The following FGF12 variants were observed in gnomAD, a reference collection of about 807,000 sequenced individuals.
FGF12 encodes fibroblast growth factor 12B.
Under a neutral mutation model 23.6 loss-of-function variants are expected in FGF12, and 14 were observed. The ratio of observed to expected loss-of-function variants is 0.59; its 90% CI spans 0.39 to 0.93. FGF12 has a LOEUF of 0.93. Ranked by LOEUF, FGF12 falls within the 40% of genes least tolerant of loss-of-function variation. FGF12 has a pLI of 0.00. For missense variants in FGF12, 175 were observed against 217.8 expected, an observed-to-expected ratio of 0.80 and a Z score of 1.24; for synonymous variants, 62 against 77.3, an observed-to-expected ratio of 0.80 and a Z score of 1.04.
chr3:192,512,176 CT>C (rs2108840103), intron 2 of FGF12, among the ~76,000 whole-genome samples: 1 of 152,152 alleles, frequency 6.6e-6, no homozygotes, highest in Non-Finnish European at 1.5e-5. Flanking sequence ...TAAAATATTA[CT>C]TAATTTCTCC....
At chr3:192,192,331 A>G (rs1275952876) in intron 4 of FGF12, among the ~76,000 whole-genome samples, 2 of 151,578 alleles carry the variant, frequency 1.3e-5, no homozygotes, top group South Asian at 2.1e-4. Context: ...AAAATTTATA[A>G]GTATTTTATT....
intron 2 of FGF12, among the ~76,000 whole-genome samples, chr3:192,696,598 T>C (rs1718131556): frequency 6.6e-6 from 1 of 152,172 alleles, no homozygotes; most frequent in South Asian, 2.1e-4. Flanking sequence ...AGCTTGGGTA[T>C]GAAGCCTGAC....
At chr3:192,261,002 A>T (rs1461566214) in intron 4 of FGF12, among the ~76,000 whole-genome samples, 1 of 152,090 alleles carries the variant, frequency 6.6e-6, no homozygotes, top group Non-Finnish European at 1.5e-5. Flanking sequence ...GGGGGTAGGG[A>T]GTCACTTCGG....
chr3:192,145,705 A>G (rs1713657040), intron 5 of FGF12, among the ~76,000 whole-genome samples: 3 of 152,250 alleles, frequency 2.0e-5, no homozygotes, highest in African/African-American at 4.8e-5. Flanking sequence ...GGCTCTTCCA[A>G]CATCCCCAAA....
chr3:192,251,175 T>TGAG (rs2108606580), intron 4 of FGF12, among the ~76,000 whole-genome samples: 1 of 152,300 alleles, frequency 6.6e-6, no homozygotes, highest in East Asian at 1.9e-4. Context: ...TGATCAAATA[T>TGAG]TTCAGGGCCT....
chr3:192,305,677 A>ATATATAT lies in FGF12; in HGVS notation c.228+29683_228+29684insATATATA, dbSNP rs1273411210. Among the ~76,000 whole-genome samples, 55 of 111,922 alleles carry ATATATAT rather than the reference A, an allele frequency of 4.9e-4. No homozygotes were observed. In the South Asian group the frequency reaches 0.014, roughly 29 times the overall value. 73.4% of individuals were successfully genotyped at this position (111,922 alleles called of 152,430 possible). ...GAAAGGTGGCTTAGGAAAAAAAAAA[A>ATATATAT]AAATATATATATATATATAAATATA... is the stretch of plus-strand genomic sequence containing the variant. On this transcript the variant is annotated intron_variant, in intron 4 of 5. Transcript: ENST00000445105.
intron 2 of FGF12, among the ~76,000 whole-genome samples, chr3:192,491,016 C>A (rs1189200762): frequency 1.3e-5 from 2 of 152,090 alleles, no homozygotes; most frequent in Non-Finnish European, 2.9e-5. Context: ...TTCGTGCATT[C>A]CTCTGTATGT....
At chr3:192,627,631 C>G (rs1715219566) in intron 2 of FGF12, among the ~76,000 whole-genome samples, 1 of 152,126 alleles carries the variant, frequency 6.6e-6, no homozygotes, top group Non-Finnish European at 1.5e-5. Flanking sequence ...TAACAGTTTT[C>G]TAACTTGCTT....
intron 2 of FGF12, among the ~76,000 whole-genome samples, chr3:192,504,812 T>G (rs1198965156): frequency 6.6e-6 from 1 of 152,160 alleles, no homozygotes; most frequent in African/African-American, 2.4e-5. Flanking sequence ...GTTCGACGTG[T>G]CAAGATTTAG....
At chr3:192,322,473 AAATTTAT>A (rs1716597391) in intron 4 of FGF12, among the ~76,000 whole-genome samples, 1 of 149,710 alleles carries the variant, frequency 6.7e-6, no homozygotes. Context: ...AATAATCCTA[AAATTTAT>A]AATTTATATT....
At chr3:192,398,994 T>C (rs1035994579) in intron 2 of FGF12, among the ~76,000 whole-genome samples, 1 of 152,130 alleles carries the variant, frequency 6.6e-6, no homozygotes, top group African/African-American at 2.4e-5. Flanking sequence ...CTGAGAAATC[T>C]AGTGCTGACC....
rs757735883 is a variant in FGF12, at chr3:192,457,811, A to G, written c.14-97273T>C. Among the ~76,000 whole-genome samples the G allele has an allele frequency of 6.6e-4, 101 of 152,206 alleles. 2 individuals carry two copies. Among genetic ancestry groups the G allele is most frequent in the Non-Finnish European group, 4.9e-4 (33 of 67,988 alleles). Reference sequence around the variant, plus strand: ...TGTTAATCCCCAAGACCATGGGGAAAATGTCTCCAGGCCACGTCACAGATC... The same window carrying G: ...TGTTAATCCCCAAGACCATGGGGAAGATGTCTCCAGGCCACGTCACAGATC... On this transcript the variant is annotated intron_variant, in intron 2 of 5. Transcript: ENST00000445105.
chr3:192,376,344 AT>A (rs1719499592), intron 2 of FGF12, among the ~76,000 whole-genome samples: 1 of 41,338 alleles, frequency 2.4e-5, no homozygotes, highest in Non-Finnish European at 4.2e-5. Context: ...ATTTAATTTT[AT>A]TTATTTATTT....
intron 2 of FGF12, among the ~76,000 whole-genome samples, chr3:192,630,107 C>A (rs1188593989): frequency 6.6e-6 from 1 of 152,054 alleles, no homozygotes; most frequent in Admixed American, 6.5e-5. Context: ...CTCAAGAAAT[C>A]TGCTTATTTA....
At chr3:192,493,878 A>C (rs1022516212) in intron 2 of FGF12, among the ~76,000 whole-genome samples, 3 of 152,052 alleles carry the variant, frequency 2.0e-5, no homozygotes, top group Non-Finnish European at 4.4e-5. Flanking sequence ...TTACATTTTA[A>C]CCTGAGATTT....
At chr3:192,170,788 C>CTATT in intron 4 of FGF12, 132 bp from the exon 5 acceptor site, 1 of 739,816 alleles carries the variant, frequency 1.4e-6, no homozygotes, top group South Asian at 1.9e-5. Flanking sequence ...CACATAGTTT[C>CTATT]TATTAGCCTT....
At chr3:192,374,201 T>A (rs894021236) in intron 2 of FGF12, among the ~76,000 whole-genome samples, 11 of 152,228 alleles carry the variant, frequency 7.2e-5, no homozygotes, top group African/African-American at 2.7e-4. Context: ...TTGCACTTTG[T>A]TTTATAAAAA....
chr3:192,574,265 A>G (rs1032082300), intron 2 of FGF12, among the ~76,000 whole-genome samples: 4 of 152,238 alleles, frequency 2.6e-5, no homozygotes, highest in Non-Finnish European at 5.9e-5. Context: ...AAAATGTCCT[A>G]TCTGTACCAT....
intron 2 of FGF12, among the ~76,000 whole-genome samples, chr3:192,446,669 T>C (rs1364661025): frequency 6.6e-6 from 1 of 152,158 alleles, no homozygotes. Flanking sequence ...TCTACATGTG[T>C]AACGCATCCA....
Sources: gnomAD v4.1 joint callset for allele counts (sites outside exome capture counted in the v4.1 genomes callset) on GRCh38, gnomAD v4.1.1 for gene constraint, MANE v1.5 for transcripts, NCBI Gene and HGNC (gene_info 2026-07-23, HGNC 2026-07-21) for gene names.